The following SNX31 variants were observed in gnomAD, a reference collection of about 807,000 sequenced individuals.
SNX31 encodes sorting nexin-31.
SNX31 carries 58 observed loss-of-function variants against 65.4 expected under a neutral mutation model. The ratio of observed to expected loss-of-function variants is 0.89; its 90% confidence interval spans 0.72 to 1.10. The LOEUF is 1.10. Among genes scored for constraint, SNX31 ranks in the 50% least tolerant of loss-of-function variants. The pLI, the probability that SNX31 is intolerant of heterozygous loss-of-function variation, is 0.00. For missense variants in SNX31, 523 were observed against 529.7 expected, an observed-to-expected ratio of 0.99 and a Z score of 0.12; for synonymous variants, 181 against 190.1, an observed-to-expected ratio of 0.95 and a Z score of 0.39.
intron 2 of SNX31, among the ~76,000 whole-genome samples, chr8:100,641,601 T>TAC (rs1197467682): frequency 2.4e-4 from 5 of 20,856 alleles, no homozygotes; most frequent in African/African-American, 2.9e-4. Flanking sequence ...TATATACACA[T>TAC]ACACACACAC....
At chr8:100,618,918 G>A (rs570966691) in intron 4 of SNX31, among the ~76,000 whole-genome samples, 1 of 152,110 alleles carries the variant, frequency 6.6e-6, no homozygotes, top group East Asian at 1.9e-4. Flanking sequence ...TTGCTTAGGG[G>A]TTTCTTATGG....
chr8:100,636,954 T>A (rs1465340286), intron 2 of SNX31, among the ~76,000 whole-genome samples: 2 of 152,136 alleles, frequency 1.3e-5, no homozygotes, highest in Non-Finnish European at 2.9e-5. Flanking sequence ...CTCCTGACCT[T>A]AGGTGATCCA....
At chr8:100,615,336 C>T (rs891670253) in intron 5 of SNX31, among the ~76,000 whole-genome samples, 3 of 152,180 alleles carry the variant, frequency 2.0e-5, no homozygotes, top group Non-Finnish European at 4.4e-5. Context: ...ACGTATTCAG[C>T]ACTCCCTCCA....
At chr8:100,582,625 A>T (rs1813649133) in intron 12 of SNX31, 1 of 152,222 alleles carries the variant, frequency 6.6e-6, no homozygotes, top group Non-Finnish European at 1.5e-5. Flanking sequence ...TCAAGTAAAG[A>T]TCAATGTTAA....
chr8:100,628,646 C>T (rs1157399187), intron 4 of SNX31, among the ~76,000 whole-genome samples: 4 of 151,830 alleles, frequency 2.6e-5, no homozygotes, highest in African/African-American at 7.3e-5. Flanking sequence ...TGCTAAATGA[C>T]GAGTTAATGG....
rs529642724 is a variant in SNX31, at chr8:100,582,987, A to AAAAAG, written c.1170+1119_1170+1123dup. ...ACAGAGTGAGACTCCATCTAAAAAA[A>AAAAAG]AAAAGAAAAGAAAAGAAAAGAAAAG... is the stretch of plus-strand genomic sequence containing the variant. On this transcript the variant is annotated intron_variant, in intron 12 of 13. Coordinates refer to ENST00000311812, the MANE Select transcript of SNX31 (RefSeq NM_152628.4). Among the ~76,000 whole-genome samples the AAAAAG allele has an allele frequency of 2.0e-3, 301 of 152,060 alleles. 2 individuals carry two copies. Among genetic ancestry groups the AAAAAG allele is most frequent in the African/African-American group, 5.7e-3 (238 of 41,532 alleles).
In SNX31 at chr8:100,584,105, A is replaced by G; in HGVS notation, c.1170+6T>C. On this transcript the variant is annotated splice_donor_region_variant and intron_variant, in intron 12 of 13. Coordinates refer to ENST00000311812, the MANE Select transcript of SNX31 (RefSeq NM_152628.4). Reference sequence around the variant, plus strand: ...GTGAAAAATAGACACAGATAAGAGCACTCACCATTTCTGTATTCTCAGCAG... The same window carrying G: ...GTGAAAAATAGACACAGATAAGAGCGCTCACCATTTCTGTATTCTCAGCAG... 4 of 1,602,602 alleles carry G rather than the reference A, an allele frequency of 2.5e-6. No homozygotes were observed. The highest frequency in any genetic ancestry group is 3.4e-6 in the Non-Finnish European group (4 of 1,175,458).
At chr8:100,650,786 T>C (rs775920854), upstream of SNX31, among the ~76,000 whole-genome samples, 1 of 152,150 alleles carries the variant, frequency 6.6e-6, no homozygotes, top group Non-Finnish European at 1.5e-5. Flanking sequence ...CAGGAATTCA[T>C]GTCCCAGCTT....
chr8:100,650,632 C>T (rs1819937996), upstream of SNX31, among the ~76,000 whole-genome samples: 1 of 152,136 alleles, frequency 6.6e-6, no homozygotes, highest in African/African-American at 2.4e-5. Flanking sequence ...GGTGCCAGGA[C>T]CTGACATATG....
At chr8:100,640,985 A>G (rs1309882396) in intron 2 of SNX31, among the ~76,000 whole-genome samples, 1 of 152,190 alleles carries the variant, frequency 6.6e-6, no homozygotes, top group Admixed American at 6.5e-5. Flanking sequence ...GTTAATTGTA[A>G]TGAATGCACC....
intron 4 of SNX31, among the ~76,000 whole-genome samples, chr8:100,628,105 G>A (rs184537025): frequency 0.066 from 10,086 of 152,268 alleles, 471 homozygotes; most frequent in Non-Finnish European, 0.096. Flanking sequence ...TGCTGGAGGG[G>A]ATGTGGAAAA....
Position 100,660,328 on chromosome 8 carries a change from T to TAA in SNX31, c.-58+2812_-58+2813dup, listed in dbSNP as rs1809762404. ...GTGAGCTTGTCCCAGTCACATTGTTTAAAAGTGGCAGGGCCAGAAATTGAA... is the reference window on the plus strand; with the variant it reads ...GTGAGCTTGTCCCAGTCACATTGTTTAAAAAAGTGGCAGGGCCAGAAATTGAA... On this transcript the variant is annotated intron_variant, in intron 1 of 5. Coordinates refer to the SNX31 transcript ENST00000520352. This position sits in a 1 kb window ranked among gnomAD's most constrained non-coding sequence, Gnocchi z 4.1. 6.6e-6 allele frequency among the ~76,000 whole-genome samples: 1 copy of TAA among 152,238 alleles called. No homozygotes were observed. The highest frequency in any genetic ancestry group is 1.5e-5 in the Non-Finnish European group (1 of 68,044).
rs1818352029 is a variant in SNX31, at chr8:100,630,658, C to T, written c.257-267G>A. Among the ~76,000 whole-genome samples the T allele has an allele frequency of 6.6e-6, 1 of 152,200 alleles. No individual in the cohort carries two copies. The highest frequency in any genetic ancestry group is 2.1e-4 in the South Asian group (1 of 4,836). On this transcript the variant is annotated intron_variant, in intron 3 of 13. Coordinates refer to ENST00000311812, the MANE Select transcript of SNX31 (RefSeq NM_152628.4). This position sits in a 1 kb window ranked among gnomAD's most constrained non-coding sequence, Gnocchi z 5.3. ...ATTTATACAAACCCATACTACTGAA[C>T]ATCCATTTTGCTGCCCTACCAGGAT...
intron 1 of SNX31, 23 bp from the exon 2 acceptor site, chr8:100,649,371 T>A (rs1168433617): frequency 1.2e-6 from 2 of 1,612,884 alleles, no homozygotes; most frequent in African/African-American, 2.7e-5. Flanking sequence ...AGACACCCCG[T>A]CCCTGGTGAG....
chr8:100,649,520 A>T lies in SNX31; in HGVS notation c.-6T>A. 1 of 1,562,910 alleles carries T rather than the reference A, an allele frequency of 6.4e-7. No homozygotes were observed. Among genetic ancestry groups the T allele is most frequent in the Non-Finnish European group, 8.7e-7 (1 of 1,154,134 alleles). On this transcript the variant is annotated 5_prime_UTR_variant, in exon 1 of 14. Transcript: ENST00000311812. ...ATACAGAAATGCATCTTCATGGCTG[A>T]GCGGTGTCTTGGGAGTAGCGCTGGG...
Position 100,596,771 on chromosome 8 carries a change from T to G in SNX31, c.846A>C (p.Pro282=). ...AAAGAACAGCTCCAGAGCCTGATTC[T>G]GGGTAGTCACAGGTACAAGGATCCA... The part of the protein sequence containing the change: ...LQLDPCTCDY[P]ESGSGAVLSV... The change falls in exon 10 of 14, where the codon CCA becomes CCC. Residue 282 remains proline, a synonymous_variant. Transcript: ENST00000311812. 6.2e-7 allele frequency: 1 copy of G among 1,614,118 alleles called. No homozygotes were observed. The highest frequency in any genetic ancestry group is 8.5e-7 in the Non-Finnish European group (1 of 1,180,028).
At chr8:100,650,951 C>T (rs1212078516), upstream of SNX31, among the ~76,000 whole-genome samples, 4 of 150,588 alleles carry the variant, frequency 2.7e-5, no homozygotes, top group African/African-American at 9.8e-5. Context: ...CTCCCGGGTT[C>T]AAGTGATTTT....
chr8:100,652,334 T>C (rs935351879), upstream of SNX31, among the ~76,000 whole-genome samples: 1 of 152,238 alleles, frequency 6.6e-6, no homozygotes, highest in African/African-American at 2.4e-5. Context: ...GCTCAATTTC[T>C]GAATCAATCC....
chr8:100,639,007 T>C (rs529614157), intron 2 of SNX31, among the ~76,000 whole-genome samples: 1 of 152,324 alleles, frequency 6.6e-6, no homozygotes, highest in Non-Finnish European at 1.5e-5. Flanking sequence ...GCCAAAAGTA[T>C]AGAGACTTTA....
Sources: allele counts gnomAD v4.1 joint callset (sites outside exome capture counted in the v4.1 genomes callset), GRCh38; gene constraint gnomAD v4.1.1; non-coding constraint Gnocchi (gnomAD v3.1); transcripts MANE v1.5; gene names NCBI Gene and HGNC (gene_info 2026-07-23, HGNC 2026-07-21).